Variants in PRDM5 observed in about 807,000 individuals in gnomAD.
PRDM5 encodes the protein PR domain zinc finger protein 5.
Under a neutral mutation model 81.2 loss-of-function variants are expected in PRDM5, and 56 were observed. That is an observed-to-expected ratio of 0.69 (90% confidence interval 0.56 to 0.86). The LOEUF (loss-of-function observed/expected upper bound fraction) is 0.86. Among genes scored for constraint, PRDM5 ranks in the 40% least tolerant of loss-of-function variants. The probability of loss-of-function intolerance (pLI) is 0.00; values close to 1 mark genes in which losing one functional copy is unlikely to be tolerated. For synonymous variants in PRDM5, 267 were observed against 256.4 expected (o/e 1.04, Z -0.39); for missense variants, 697 against 770.1 (o/e 0.91, Z 1.12).
At chr4:120,858,092 G>A (rs771636419) in intron 2 of PRDM5, among the ~76,000 whole-genome samples, 2 of 152,078 alleles carry the variant, frequency 1.3e-5, no homozygotes, top group African/African-American at 4.8e-5. Context: ...TATCCTTAAT[G>A]AAAAATTACA....
At chr4:120,735,560 C>T (rs934159527) in intron 14 of PRDM5, among the ~76,000 whole-genome samples, 7 of 152,110 alleles carry the variant, frequency 4.6e-5, no homozygotes, top group African/African-American at 9.7e-5. Flanking sequence ...ACTTAAAATG[C>T]TGAGATTTCT....
chr4:120,734,321 T>C (rs970677114), intron 14 of PRDM5, among the ~76,000 whole-genome samples: 1 of 151,748 alleles, frequency 6.6e-6, no homozygotes, highest in South Asian at 2.1e-4. Flanking sequence ...CAGCCATACA[T>C]GGGATGCATT....
intron 10 of PRDM5, among the ~76,000 whole-genome samples, chr4:120,794,260 C>T (rs947473398): frequency 3.3e-5 from 5 of 152,022 alleles, no homozygotes; most frequent in South Asian, 4.1e-4. Context: ...GAAAGAGTGG[C>T]TGTGCTCTAA....
At chr4:120,785,922 CA>C (rs1000245240) in intron 10 of PRDM5, among the ~76,000 whole-genome samples, 1 of 152,038 alleles carries the variant, frequency 6.6e-6, no homozygotes, top group African/African-American at 2.4e-5. Flanking sequence ...AACAAAACAG[CA>C]AACACTGCTC....
At chr4:120,833,528 CATT>C (rs1201700549) in intron 3 of PRDM5, among the ~76,000 whole-genome samples, 1 of 151,984 alleles carries the variant, frequency 6.6e-6, no homozygotes, top group Non-Finnish European at 1.5e-5. Flanking sequence ...GAAAAAAAAA[CATT>C]AATATGCTGA....
intron 14 of PRDM5, among the ~76,000 whole-genome samples, chr4:120,741,793 G>A (rs920141009): frequency 2.8e-4 from 43 of 151,808 alleles, no homozygotes; most frequent in South Asian, 6.3e-4. Context: ...ACGGAGTCTC[G>A]CTGATTGCTA....
In PRDM5 at chr4:120,764,582, A is replaced by AG. The variant is rs1308012759; in HGVS notation, c.1538-9945dup. 3.3e-5 allele frequency among the ~76,000 whole-genome samples: 5 copies of AG among 150,940 alleles called. No homozygotes were observed. In the East Asian group the frequency reaches 9.6e-4, roughly 29 times the overall value. On this transcript the variant is annotated intron_variant, in intron 13 of 15. Transcript: ENST00000264808. ...AATCAACTGAGTAGGAGCTGAGTAT[A>AG]GAAAAAAAAAACAGTGGAAGAAAGG...
At chr4:120,761,225 G>A (rs1435595290) in intron 13 of PRDM5, among the ~76,000 whole-genome samples, 1 of 152,112 alleles carries the variant, frequency 6.6e-6, no homozygotes, top group Non-Finnish European at 1.5e-5. Flanking sequence ...CAGAAAATTG[G>A]AGCTAGCTTT....
chr4:120,718,080 A>G (rs1251430732), intron 14 of PRDM5, among the ~76,000 whole-genome samples: 1 of 152,196 alleles, frequency 6.6e-6, no homozygotes, highest in Non-Finnish European at 1.5e-5. Context: ...TGCTTAGGAG[A>G]AGGTTCAACT....
At chr4:120,724,888 A>G (rs1235692658) in intron 14 of PRDM5, among the ~76,000 whole-genome samples, 1 of 152,188 alleles carries the variant, frequency 6.6e-6, no homozygotes, top group Admixed American at 6.5e-5. Flanking sequence ...GTCAGAGGAA[A>G]TCATATCAAT....
intron 1 of PRDM5, among the ~76,000 whole-genome samples, chr4:120,911,010 T>C (rs72923579): frequency 0.022 from 3,372 of 152,300 alleles, 131 homozygotes; most frequent in African/African-American, 0.076. Context: ...TGTGATTTCT[T>C]TGCAAGAACT....
chr4:120,689,453 G>A (rs1233501661), downstream of PRDM5, among the ~76,000 whole-genome samples: 1 of 151,998 alleles, frequency 6.6e-6, no homozygotes, highest in Non-Finnish European at 1.5e-5. Context: ...TTTGTCAGGT[G>A]GAAGATGAGC....
chr4:120,747,778 A>T (rs898370412), intron 14 of PRDM5, among the ~76,000 whole-genome samples: 7 of 152,236 alleles, frequency 4.6e-5, no homozygotes, highest in African/African-American at 1.7e-4. Flanking sequence ...TTAATTTTGT[A>T]AGAACTAATT....
intron 13 of PRDM5, among the ~76,000 whole-genome samples, chr4:120,763,903 C>A (rs1190603798): frequency 6.6e-6 from 1 of 150,714 alleles, no homozygotes; most frequent in African/African-American, 2.4e-5. Context: ...AAATTATTGT[C>A]TCTCCCATAA....
intron 2 of PRDM5, among the ~76,000 whole-genome samples, chr4:120,862,462 C>T (rs374697526): frequency 1.3e-5 from 2 of 152,268 alleles, no homozygotes; most frequent in African/African-American, 4.8e-5. Context: ...AATGCCAAGT[C>T]CTGAGGATGG....
chr4:120,917,217 G>A (rs557455127), intron 1 of PRDM5, among the ~76,000 whole-genome samples: 14 of 152,186 alleles, frequency 9.2e-5, no homozygotes, highest in South Asian at 2.1e-4. Flanking sequence ...GCAAACTCCC[G>A]TCTTAGGTCC....
chr4:120,816,718 A>C, intron 6 of PRDM5, 114 bp downstream of exon 6: 1 of 1,517,438 alleles, frequency 6.6e-7, no homozygotes, highest in South Asian at 1.1e-5. Context: ...GTAAGAAGAA[A>C]AGCATTTAAA....
intron 7 of PRDM5, among the ~76,000 whole-genome samples, chr4:120,815,693 A>C (rs868382154): frequency 3.3e-5 from 5 of 152,324 alleles, no homozygotes; most frequent in Middle Eastern, 3.4e-3. Flanking sequence ...AAAAATAAAC[A>C]CATGAACAAA....
intron 11 of PRDM5, among the ~76,000 whole-genome samples, chr4:120,782,751 A>G (rs146229556): frequency 6.6e-6 from 1 of 152,148 alleles, no homozygotes; most frequent in African/African-American, 2.4e-5. Context: ...AGGAAATATC[A>G]ATTGATAAAA....
Sources: allele counts gnomAD v4.1 joint callset (sites outside exome capture counted in the v4.1 genomes callset), GRCh38; gene constraint gnomAD v4.1.1; transcripts MANE v1.5; gene names NCBI Gene and HGNC (gene_info 2026-07-23, HGNC 2026-07-21).